Variants in ASTN2 observed in about 807,000 individuals in gnomAD.
ASTN2 encodes astrotactin-2.
A neutral mutation model predicts 139.8 loss-of-function variants in ASTN2; 54 were observed. That is an observed-to-expected ratio of 0.39 (90% CI 0.31 to 0.48). The LOEUF is 0.48. Among genes scored for constraint, ASTN2 ranks in the 20% least tolerant of loss-of-function variants. The pLI is 0.95. For missense variants in ASTN2, 1,565 were observed against 1,725.1 expected (o/e 0.91, Z 1.64); for synonymous variants, 756 against 719.5 (o/e 1.05, Z -0.81).
At chr9:116,718,559 G>A (rs989030416) in intron 16 of ASTN2, among the ~76,000 whole-genome samples, 11 of 152,168 alleles carry the variant, frequency 7.2e-5, no homozygotes, top group African/African-American at 1.2e-4. Flanking sequence ...ATGTGAGGAT[G>A]ATTTTGGAGA....
At chr9:117,237,953 C>T (rs974572907) in intron 2 of ASTN2, among the ~76,000 whole-genome samples, 2 of 152,214 alleles carry the variant, frequency 1.3e-5, no homozygotes, top group Non-Finnish European at 2.9e-5. Context: ...GCTAGCTCAA[C>T]TCCCTGGAGA....
intron 19 of ASTN2, among the ~76,000 whole-genome samples, chr9:116,499,109 C>T (rs749137228): frequency 6.6e-6 from 1 of 152,164 alleles, no homozygotes; most frequent in Non-Finnish European, 1.5e-5. Flanking sequence ...CTCAGTTATG[C>T]CCCACCAGAG....
chr9:116,803,547 C>A (rs1313945764), intron 13 of ASTN2, among the ~76,000 whole-genome samples: 1 of 91,484 alleles, frequency 1.1e-5, no homozygotes, highest in African/African-American at 3.4e-5. Context: ...TTTTTTTAGA[C>A]GGAGTCTCAC....
intron 19 of ASTN2, among the ~76,000 whole-genome samples, chr9:116,608,555 T>A (rs1267489581): frequency 6.6e-6 from 1 of 152,140 alleles, no homozygotes; most frequent in Non-Finnish European, 1.5e-5. Flanking sequence ...GAGTTCAAAA[T>A]GTTTTTGAAC....
intron 13 of ASTN2, among the ~76,000 whole-genome samples, chr9:116,786,066 C>G (rs1830368392): frequency 6.6e-6 from 1 of 152,138 alleles, no homozygotes; most frequent in South Asian, 2.1e-4. Flanking sequence ...GCCTCCTTCC[C>G]CTCTGTTCTA....
intron 6 of ASTN2, among the ~76,000 whole-genome samples, chr9:117,013,323 C>A (rs1309953095): frequency 6.6e-6 from 1 of 151,860 alleles, no homozygotes; most frequent in Admixed American, 6.6e-5. Context: ...TATTTTTTGG[C>A]TTTCAATTAA....
chr9:117,399,311 T>C (rs1830761227), intron 1 of ASTN2, among the ~76,000 whole-genome samples: 1 of 151,754 alleles, frequency 6.6e-6, no homozygotes, highest in Non-Finnish European at 1.5e-5. Flanking sequence ...TTAGAAGGAG[T>C]GAGGGAATAT....
intron 17 of ASTN2, among the ~76,000 whole-genome samples, chr9:116,623,832 GGAA>G (rs775704704): frequency 6.6e-6 from 1 of 152,090 alleles, no homozygotes; most frequent in African/African-American, 2.4e-5. Context: ...AGGTCACACA[GGAA>G]GAATAAATGC....
chr9:116,756,045 C>G (rs1389966311), intron 13 of ASTN2, among the ~76,000 whole-genome samples: 1 of 152,186 alleles, frequency 6.6e-6, no homozygotes, highest in Non-Finnish European at 1.5e-5. Flanking sequence ...CTTTTAATCA[C>G]TAAGTCTGTG....
At chr9:116,815,828 A>AAAAAAAAAAAAAAAAAAAAAAG (rs1554750237) in intron 12 of ASTN2, among the ~76,000 whole-genome samples, 1 of 145,878 alleles carries the variant, frequency 6.9e-6, no homozygotes, top group Non-Finnish European at 1.5e-5. Context: ...AAAAAAAAAA[A>AAAAAAAAAAAAAAAAAAAAAAG]GTTGATGAAA....
At chr9:117,009,425 A>G (rs933458170) in intron 6 of ASTN2, among the ~76,000 whole-genome samples, 2 of 152,122 alleles carry the variant, frequency 1.3e-5, no homozygotes, top group Non-Finnish European at 1.5e-5. Flanking sequence ...TTGGGAGGCA[A>G]GAAACAGAAG....
intron 20 of ASTN2, among the ~76,000 whole-genome samples, chr9:116,479,018 A>G (rs1035170585): frequency 4.3e-4 from 55 of 128,356 alleles, no homozygotes; most frequent in African/African-American, 1.4e-3. Context: ...AAAAAAAAAA[A>G]GGGAAATGCA....
At chr9:117,186,155 T>C (rs1831191064) in intron 3 of ASTN2, among the ~76,000 whole-genome samples, 1 of 152,244 alleles carries the variant, frequency 6.6e-6, no homozygotes, top group Non-Finnish European at 1.5e-5. Context: ...GTAATGACCA[T>C]ATCAATTTTT....
chr9:117,298,730 G>GTA (rs1470806624), intron 1 of ASTN2, among the ~76,000 whole-genome samples: 8 of 132,422 alleles, frequency 6.0e-5, no homozygotes, highest in African/African-American at 2.1e-4. Context: ...GTGTGTGTGT[G>GTA]TGTATATATA....
At chr9:117,328,206 C>T (rs1436343073) in intron 1 of ASTN2, among the ~76,000 whole-genome samples, 1 of 151,980 alleles carries the variant, frequency 6.6e-6, no homozygotes, top group Non-Finnish European at 1.5e-5. Flanking sequence ...GAGTAGTTCC[C>T]GAAGGTCATC....
intron 17 of ASTN2, among the ~76,000 whole-genome samples, chr9:116,624,685 T>C (rs914830094): frequency 2.6e-5 from 4 of 152,204 alleles, no homozygotes; most frequent in African/African-American, 9.7e-5. Flanking sequence ...AATATTTTCA[T>C]GTGCTAATAC....
chr9:116,578,400 C>T (rs529859833), intron 19 of ASTN2, among the ~76,000 whole-genome samples: 2 of 152,082 alleles, frequency 1.3e-5, no homozygotes, highest in Non-Finnish European at 2.9e-5. Context: ...TCACTCACTC[C>T]TGTAACAATG....
At chr9:117,117,637 A>T (rs1351900589) in intron 4 of ASTN2, among the ~76,000 whole-genome samples, 1 of 152,132 alleles carries the variant, frequency 6.6e-6, no homozygotes, top group Admixed American at 6.5e-5. Flanking sequence ...CCCCTACCCC[A>T]TGGTACTGCA....
intron 6 of ASTN2, among the ~76,000 whole-genome samples, chr9:117,016,616 C>CATATATATAGGT (rs1837691661): frequency 2.4e-5 from 1 of 42,470 alleles, no homozygotes; most frequent in African/African-American, 1.9e-4. Flanking sequence ...ATATCTATAT[C>CATATATATAGGT]TATCTATCTA....
Sources: allele counts gnomAD v4.1 joint callset (sites outside exome capture counted in the v4.1 genomes callset), GRCh38; gene constraint gnomAD v4.1.1; transcripts MANE v1.5; gene names NCBI Gene and HGNC (gene_info 2026-07-23, HGNC 2026-07-21).